The following NRXN1 variants were observed in gnomAD, a reference collection of about 807,000 sequenced individuals.
NRXN1 encodes the protein neurexin 1, also known as neurexin-1.
A neutral mutation model predicts 150.9 loss-of-function variants in NRXN1; 39 were observed. That is an observed-to-expected ratio of 0.26 (90% CI 0.20 to 0.34). The LOEUF is 0.34. Ranked by LOEUF, NRXN1 falls within the 10% of genes least tolerant of loss-of-function variation. The pLI, the probability that NRXN1 is intolerant of heterozygous loss-of-function variation, is 1.00. For synonymous variants in NRXN1, 924 were observed against 757.0 expected (o/e 1.22, Z -3.62); for missense variants, 1,815 against 1,949.9 (o/e 0.93, Z 1.30).
chr2:50,799,585 C>T (rs1304211643), intron 5 of NRXN1, among the ~76,000 whole-genome samples: 2 of 152,046 alleles, frequency 1.3e-5, no homozygotes, highest in Non-Finnish European at 2.9e-5. Flanking sequence ...CGTCGAGTAC[C>T]CACATAACCA....
chr2:50,893,730 T>A (rs1462638150), intron 5 of NRXN1, among the ~76,000 whole-genome samples: 2 of 152,184 alleles, frequency 1.3e-5, no homozygotes, highest in Non-Finnish European at 1.5e-5. Flanking sequence ...AACAAAAGTA[T>A]TTTCGTTTAT....
chr2:50,862,936 A>C (rs779664648), intron 5 of NRXN1, among the ~76,000 whole-genome samples: 12 of 152,060 alleles, frequency 7.9e-5, no homozygotes, highest in Non-Finnish European at 1.5e-4. Context: ...CCTACGTGAA[A>C]AGAGCCTTCA....
At position 50,412,336 on chromosome 2, in the gene NRXN1, A is replaced by T. The variant is rs904484726; in HGVS notation, c.3364+53106T>A. 1.5e-4 allele frequency among the ~76,000 whole-genome samples: 6 copies of T among 39,082 alleles called. No homozygotes were observed. In the Admixed American group the frequency reaches 1.7e-3, roughly 11 times the overall value. The allele number at this position is 39,082 out of a possible 152,430, so 25.6% of individuals were successfully genotyped here. A position where few individuals can be genotyped will look rare whatever the true frequency, so the allele number is the denominator to read the frequency against. On this transcript the variant is annotated intron_variant, in intron 17 of 22. Transcript: ENST00000401669. Reference sequence around the variant, plus strand: ...ATACTAAAAAAATAAATAAAAAATAAAAAAAATAATAAATAATAAAAATAA... The same window carrying T: ...ATACTAAAAAAATAAATAAAAAATATAAAAAATAATAAATAATAAAAATAA...
At chr2:50,797,335 T>C (rs1387215877) in intron 5 of NRXN1, among the ~76,000 whole-genome samples, 1 of 152,100 alleles carries the variant, frequency 6.6e-6, no homozygotes, top group African/African-American at 2.4e-5. Context: ...TCTCAATCAC[T>C]GGAGATATTG....
intron 13 of NRXN1, among the ~76,000 whole-genome samples, chr2:50,504,187 G>A (rs572955357): frequency 1.0e-4 from 15 of 149,144 alleles, no homozygotes; most frequent in Non-Finnish European, 1.9e-4. Context: ...TGCGCACTGT[G>A]CTGGAGGGGA....
In NRXN1 at chr2:50,573,088, G is replaced by T. The variant is rs186907568; in HGVS notation, c.1321-20063C>A. Among the ~76,000 whole-genome samples, 372 of 152,188 alleles carry T rather than the reference G, an allele frequency of 2.4e-3. 3 individuals are homozygous for T. Among genetic ancestry groups the T allele is most frequent in the African/African-American group, 8.5e-3 (352 of 41,528 alleles). On this transcript the variant is annotated intron_variant, in intron 8 of 22. Coordinates refer to ENST00000401669, the MANE Select transcript of NRXN1 (RefSeq NM_001330078.2). ...TATATTCACATATAAAATTATATCA[G>T]TCCAGGCATGGTGGCTCATACCTGT... is the stretch of plus-strand genomic sequence containing the variant.
intron 5 of NRXN1, among the ~76,000 whole-genome samples, chr2:50,832,347 G>C (rs1671521997): frequency 6.6e-6 from 1 of 152,094 alleles, no homozygotes. Context: ...GATTTGGGAA[G>C]ACACTGAAAA....
At chr2:50,465,277 T>G in intron 17 of NRXN1, 165 bp downstream of exon 17, 1 of 509,704 alleles carries the variant, frequency 2.0e-6, no homozygotes, top group Non-Finnish European at 3.1e-6. Context: ...ACTTTAACAA[T>G]TAGTATTTCA....
intron 5 of NRXN1, among the ~76,000 whole-genome samples, chr2:50,916,130 T>C (rs924082589): frequency 1.3e-5 from 2 of 149,736 alleles, no homozygotes; most frequent in Non-Finnish European, 1.5e-5. Context: ...CTCTGTTTCA[T>C]GATTATTAGT....
At chr2:50,660,987 G>C (rs1354195650) in intron 5 of NRXN1, among the ~76,000 whole-genome samples, 2 of 151,992 alleles carry the variant, frequency 1.3e-5, no homozygotes, top group Non-Finnish European at 2.9e-5. Flanking sequence ...TCTTTGTGTA[G>C]TATGAAATTG....
At chr2:51,025,495 C>G (rs1278868953) in intron 2 of NRXN1, among the ~76,000 whole-genome samples, 3 of 151,994 alleles carry the variant, frequency 2.0e-5, no homozygotes, top group Non-Finnish European at 4.4e-5. Flanking sequence ...TTTAAAACAC[C>G]CTCCCACACA....
chr2:50,888,704 TAATTGCCCTGACAATGTATTCTCA>T (rs756450072), intron 5 of NRXN1, among the ~76,000 whole-genome samples: 62 of 151,706 alleles, frequency 4.1e-4, no homozygotes, highest in Non-Finnish European at 7.5e-4. Context: ...TGATAATTTC[TAATTGCCCTGACAATGTATTCTCA>T]ATAATCATAC....
intron 21 of NRXN1, among the ~76,000 whole-genome samples, chr2:50,048,247 TGAA>T (rs766535602): frequency 5.1e-4 from 77 of 152,190 alleles, no homozygotes; most frequent in Non-Finnish European, 8.4e-4. Flanking sequence ...TGTTTTTCTT[TGAA>T]ATATGCACTA....
chr2:50,262,029 T>C (rs1053384736), intron 17 of NRXN1, among the ~76,000 whole-genome samples: 2 of 151,922 alleles, frequency 1.3e-5, no homozygotes, highest in African/African-American at 4.8e-5. Context: ...AAAGCCGGCG[T>C]TAACCTTGAA....
intron 5 of NRXN1, among the ~76,000 whole-genome samples, chr2:50,808,452 C>T (rs895237958): frequency 6.6e-6 from 1 of 151,590 alleles, no homozygotes; most frequent in Non-Finnish European, 1.5e-5. Flanking sequence ...AGAGATATAG[C>T]TTTTAATAAA....
At chr2:50,070,578 G>A (rs967444850) in intron 19 of NRXN1, among the ~76,000 whole-genome samples, 28 of 151,682 alleles carry the variant, frequency 1.8e-4, no homozygotes, top group South Asian at 6.3e-4. Flanking sequence ...AGACCATCCC[G>A]GCTAAAACGG....
intron 8 of NRXN1, among the ~76,000 whole-genome samples, chr2:50,599,473 A>C (rs1675881564): frequency 6.6e-6 from 1 of 152,248 alleles, no homozygotes; most frequent in Non-Finnish European, 1.5e-5. Context: ...ACAATGCCAA[A>C]TGCAGAATAA....
At chr2:50,469,896 A>G (rs1319755984) in intron 16 of NRXN1, among the ~76,000 whole-genome samples, 1 of 151,384 alleles carries the variant, frequency 6.6e-6, no homozygotes, top group Non-Finnish European at 1.5e-5. Flanking sequence ...CATCTTAACC[A>G]AATTCCTTAC....
chr2:50,135,249 C>G (rs897618987), intron 18 of NRXN1, among the ~76,000 whole-genome samples: 7 of 152,134 alleles, frequency 4.6e-5, no homozygotes, highest in African/African-American at 1.7e-4. Flanking sequence ...CAGAAATAGC[C>G]AGCCAGAAAC....
Sources: gnomAD v4.1 joint callset for allele counts (sites outside exome capture counted in the v4.1 genomes callset) on GRCh38, gnomAD v4.1.1 for gene constraint, MANE v1.5 for transcripts, NCBI Gene and HGNC (gene_info 2026-07-23, HGNC 2026-07-21) for gene names.